The following TRABD2B variants were observed in gnomAD, a reference collection of about 807,000 sequenced individuals.
The protein encoded by TRABD2B is TraB domain containing 2B.
In TRABD2B, 14 loss-of-function variants were observed where a neutral mutation model predicts 40.1. That is an observed-to-expected ratio of 0.35 (90% CI 0.23 to 0.55). TRABD2B has a LOEUF of 0.55. TRABD2B is among the 20% of genes least tolerant of loss of function. The probability of loss-of-function intolerance (pLI) is 0.90; values close to 1 mark genes in which losing one functional copy is unlikely to be tolerated. For missense variants in TRABD2B, 541 were observed against 648.6 expected (o/e 0.83, Z 1.80); for synonymous variants, 263 against 277.0 (o/e 0.95, Z 0.50).
chr1:47,785,112 C>T lies in TRABD2B; in HGVS notation c.989-6568G>A, dbSNP rs74912647. Among the ~76,000 whole-genome samples, 574 of 152,188 alleles carry T rather than the reference C, an allele frequency of 3.8e-3. 4 individuals are homozygous for T. Among genetic ancestry groups the T allele is most frequent in the African/African-American group, 0.013 (549 of 41,484 alleles). On this transcript the variant is annotated intron_variant, in intron 4 of 6. Transcript: ENST00000606738. ...GAGAGGTGGTGTGGCACGTGCTGGCCAACAGCAGTTCTGGGTTGCAGTAAC... is the reference window on the plus strand; with the variant it reads ...GAGAGGTGGTGTGGCACGTGCTGGCTAACAGCAGTTCTGGGTTGCAGTAAC...
chr1:47,876,562 G>T (rs546584039), intron 2 of TRABD2B, among the ~76,000 whole-genome samples: 20 of 152,286 alleles, frequency 1.3e-4, no homozygotes, highest in African/African-American at 4.8e-4. Flanking sequence ...GGAAATCCCC[G>T]CAACTTCAGG....
At chr1:47,774,414 A>G (rs1644415739) in intron 6 of TRABD2B, among the ~76,000 whole-genome samples, 1 of 152,164 alleles carries the variant, frequency 6.6e-6, no homozygotes, top group Non-Finnish European at 1.5e-5. Context: ...TGCTCTAGCA[A>G]CACTGTTCAC....
intron 2 of TRABD2B, among the ~76,000 whole-genome samples, chr1:47,916,373 T>C (rs1644830486): frequency 6.6e-6 from 1 of 152,110 alleles, no homozygotes; most frequent in African/African-American, 2.4e-5. Flanking sequence ...GCCCCTGGCA[T>C]CAAGGGACTT....
At chr1:47,866,283 A>G (rs1470295025) in intron 2 of TRABD2B, among the ~76,000 whole-genome samples, 2 of 152,236 alleles carry the variant, frequency 1.3e-5, no homozygotes, top group African/African-American at 4.8e-5. Flanking sequence ...AGGCAGACAC[A>G]GGACCAGTAT....
intron 2 of TRABD2B, among the ~76,000 whole-genome samples, chr1:47,962,706 T>C (rs969013917): frequency 1.3e-5 from 2 of 152,228 alleles, no homozygotes; most frequent in Non-Finnish European, 2.9e-5. Flanking sequence ...GAGGCACTGG[T>C]ACAAAGTGGT....
Position 47,997,300 on chromosome 1 carries a change from G to A in TRABD2B, c.-511C>T, listed in dbSNP as rs1384535044. Reference sequence around the variant, plus strand: ...CTCTGGGGCGACCGGCTGCCCCCGAGCCCGGCTCAGAGGGGCGGCGGGCGG... The same window carrying A: ...CTCTGGGGCGACCGGCTGCCCCCGAACCCGGCTCAGAGGGGCGGCGGGCGG... On this transcript the variant is annotated 5_prime_UTR_variant, in exon 1 of 7. Transcript: ENST00000606738. The A allele has an allele frequency of 1.1e-6, 1 of 870,314 alleles. No individual in the cohort carries two copies. The highest frequency in any genetic ancestry group is 1.9e-5 in the African/African-American group (1 of 53,790). The allele number at this position is 870,314 out of a possible 1,614,324, so 53.9% of individuals were successfully genotyped here. A position where few individuals can be genotyped will look rare whatever the true frequency, so the allele number is the denominator to read the frequency against.
In TRABD2B at chr1:47,792,382, A is replaced by C. The variant is rs183402248; in HGVS notation, c.988+2204T>G. ...CCTCTGAGGCGAGCATGGGAGACAA[A>C]GCCAGCACCACTCACTGACCACAAT... On this transcript the variant is annotated intron_variant, in intron 4 of 6. Coordinates refer to ENST00000606738, the MANE Select transcript of TRABD2B (RefSeq NM_001194986.2). Among the ~76,000 whole-genome samples the C allele has an allele frequency of 2.2e-4, 33 of 152,322 alleles. No homozygotes were observed. In the East Asian group the frequency reaches 6.4e-3, roughly 29 times the overall value.
At chr1:47,939,980 G>A (rs1296460905) in intron 2 of TRABD2B, among the ~76,000 whole-genome samples, 1 of 152,104 alleles carries the variant, frequency 6.6e-6, no homozygotes, top group African/African-American at 2.4e-5. Flanking sequence ...AATGCCCCAG[G>A]AAACACTCTA....
intron 3 of TRABD2B, 30 bp from the exon 4 acceptor site, chr1:47,794,790 G>GTA: frequency 8.7e-7 from 1 of 1,144,850 alleles, no homozygotes; most frequent in Non-Finnish European, 1.1e-6. Context: ...GCTGCCTTCA[G>GTA]TTTTTTTTTT....
intron 2 of TRABD2B, among the ~76,000 whole-genome samples, chr1:47,838,140 G>A (rs1278327313): frequency 6.6e-6 from 1 of 152,182 alleles, no homozygotes; most frequent in Non-Finnish European, 1.5e-5. Flanking sequence ...ATGAGACTTT[G>A]CCACTGTCCT....
chr1:47,874,571 C>CTT (rs370059019), intron 2 of TRABD2B, among the ~76,000 whole-genome samples: 1,641 of 137,240 alleles, frequency 0.012, 28 homozygotes, highest in East Asian at 0.034. Context: ...CGCGCCCGGC[C>CTT]TTTTTTTTTT....
chr1:47,935,717 C>T (rs1007039994), intron 2 of TRABD2B, among the ~76,000 whole-genome samples: 9 of 152,234 alleles, frequency 5.9e-5, no homozygotes, highest in African/African-American at 1.7e-4. Context: ...CTTTTAAATA[C>T]CATATCTCAT....
chr1:47,773,358 T>C (rs1176311799), intron 6 of TRABD2B, among the ~76,000 whole-genome samples: 1 of 152,266 alleles, frequency 6.6e-6, no homozygotes, highest in East Asian at 1.9e-4. Context: ...AAATGTGTCA[T>C]AGCCAATATA....
At chr1:47,983,169 T>C (rs1292022547) in intron 2 of TRABD2B, among the ~76,000 whole-genome samples, 4 of 152,182 alleles carry the variant, frequency 2.6e-5, no homozygotes, top group African/African-American at 7.2e-5. Flanking sequence ...AATGAGATCA[T>C]GTCTTTTGTG....
chr1:47,787,795 T>C (rs553904496), intron 4 of TRABD2B, among the ~76,000 whole-genome samples: 1 of 152,224 alleles, frequency 6.6e-6, no homozygotes, highest in South Asian at 2.1e-4. Context: ...CATTCATTCA[T>C]TCATTCAACA....
intron 2 of TRABD2B, among the ~76,000 whole-genome samples, chr1:47,960,348 T>A (rs1645493579): frequency 6.6e-6 from 1 of 152,132 alleles, no homozygotes; most frequent in African/African-American, 2.4e-5. Flanking sequence ...CAACATAGTG[T>A]TGGAAGTTCT....
chr1:47,850,345 C>A (rs1645531206), intron 2 of TRABD2B, among the ~76,000 whole-genome samples: 1 of 152,180 alleles, frequency 6.6e-6, no homozygotes, highest in Non-Finnish European at 1.5e-5. Flanking sequence ...GCTGAGCTCA[C>A]CAGGAGGAGT....
chr1:47,854,989 T>C (rs1643876753), intron 2 of TRABD2B, among the ~76,000 whole-genome samples: 1 of 152,126 alleles, frequency 6.6e-6, no homozygotes, highest in Non-Finnish European at 1.5e-5. Flanking sequence ...GAAATGAGGG[T>C]AATAGGCCTT....
chr1:47,792,475 G>A (rs1644688178), intron 4 of TRABD2B, among the ~76,000 whole-genome samples: 1 of 152,144 alleles, frequency 6.6e-6, no homozygotes, highest in South Asian at 2.1e-4. Flanking sequence ...AGTGGGCATG[G>A]ACAGAATGGA....
Sources: gnomAD v4.1 joint callset for allele counts (sites outside exome capture counted in the v4.1 genomes callset) on GRCh38, gnomAD v4.1.1 for gene constraint, MANE v1.5 for transcripts, NCBI Gene and HGNC (gene_info 2026-07-23, HGNC 2026-07-21) for gene names.